The following SNAP91 variants were observed in gnomAD, a reference collection of about 807,000 sequenced individuals.
SNAP91 encodes the protein synaptosome associated protein 91.
A neutral mutation model predicts 100.3 loss-of-function variants in SNAP91; 27 were observed. The observed-to-expected ratio is 0.27, with a 90% CI of 0.20 to 0.37. The LOEUF is 0.37. SNAP91 is among the 10% of genes least tolerant of loss of function. The pLI, the probability that SNAP91 is intolerant of heterozygous loss-of-function variation, is 1.00. For synonymous variants in SNAP91, 404 were observed against 398.6 expected (o/e 1.01, Z -0.16); for missense variants, 986 against 1,123.7 (o/e 0.88, Z 1.75).
intron 7 of SNAP91, among the ~76,000 whole-genome samples, chr6:83,644,805 G>C (rs1188035927): frequency 4.6e-5 from 7 of 152,188 alleles, no homozygotes; most frequent in African/African-American, 1.7e-4. Flanking sequence ...TAGGTGTAAA[G>C]TATTGGTCAC....
intron 2 of SNAP91, among the ~76,000 whole-genome samples, chr6:83,696,075 T>C (rs886372250): frequency 5.7e-4 from 87 of 151,830 alleles, no homozygotes; most frequent in African/African-American, 2.0e-3. Context: ...CACTCAAGGG[T>C]AGCCAAAACC....
chr6:83,572,931 C>G (rs1810969022), intron 26 of SNAP91, among the ~76,000 whole-genome samples: 2 of 152,198 alleles, frequency 1.3e-5, no homozygotes, highest in Non-Finnish European at 2.9e-5. Flanking sequence ...TTTATTTACT[C>G]TCTCTCCTCC....
intron 17 of SNAP91, 30 bp from the exon 18 acceptor site, chr6:83,593,771 A>C: frequency 6.5e-7 from 1 of 1,532,354 alleles, no homozygotes; most frequent in Non-Finnish European, 8.8e-7. Flanking sequence ...AGACACACAC[A>C]GCATCAGTAA....
At chr6:83,682,887 T>C (rs2099011057) in intron 2 of SNAP91, among the ~76,000 whole-genome samples, 1 of 151,958 alleles carries the variant, frequency 6.6e-6, no homozygotes, top group Admixed American at 6.6e-5. Flanking sequence ...CTAGATTCCC[T>C]AATCTCACAC....
At chr6:83,601,238 G>GA (rs2095177299) in intron 16 of SNAP91, 33 bp downstream of exon 16, 1 of 1,608,270 alleles carries the variant, frequency 6.2e-7, no homozygotes, top group African/African-American at 1.3e-5. Flanking sequence ...TAGCAATCCT[G>GA]AAAAAATGAA....
chr6:83,635,834 T>C (rs886078096), intron 8 of SNAP91, among the ~76,000 whole-genome samples: 3 of 152,222 alleles, frequency 2.0e-5, no homozygotes, highest in Admixed American at 6.5e-5. Context: ...AGTTTAGAAC[T>C]CCCTTAAGCA....
intron 2 of SNAP91, among the ~76,000 whole-genome samples, chr6:83,682,615 G>A (rs1449864543): frequency 6.6e-6 from 1 of 150,888 alleles, no homozygotes; most frequent in African/African-American, 2.4e-5. Flanking sequence ...TAAGTTTTAG[G>A]GTACATGTGC....
intron 6 of SNAP91, 39 bp from the exon 7 acceptor site, chr6:83,656,904 T>C: frequency 1.1e-6 from 1 of 926,270 alleles, no homozygotes; most frequent in Non-Finnish European, 1.6e-6. Flanking sequence ...CGGCATATCA[T>C]TAAGTCTTAA....
intron 5 of SNAP91, among the ~76,000 whole-genome samples, chr6:83,660,609 GT>G (rs2098522038): frequency 6.6e-6 from 1 of 151,974 alleles, no homozygotes; most frequent in Non-Finnish European, 1.5e-5. Context: ...AAATTCAAGT[GT>G]TTCTGTTTCA....
chr6:83,684,622 T>C (rs1451290784), intron 2 of SNAP91, among the ~76,000 whole-genome samples: 1 of 152,180 alleles, frequency 6.6e-6, no homozygotes, highest in Non-Finnish European at 1.5e-5. Flanking sequence ...TCTGTGCACT[T>C]TACTAGAATG....
At position 83,592,437 on chromosome 6, in the gene SNAP91, T is replaced by C; in HGVS notation, c.1930+18A>G. 1.9e-6 allele frequency: 3 copies of C among 1,568,414 alleles called. No homozygotes were observed. Among genetic ancestry groups the C allele is most frequent in the Non-Finnish European group, 1.7e-6 (2 of 1,146,514 alleles). ...GAAAAAAAGATTCCTTAAGTGTTGA[T>C]GGAGGAGAAATACGCACCCCCAAAA... On this transcript the variant is annotated intron_variant, in intron 21 of 29. Transcript: ENST00000369694.
In SNAP91 at chr6:83,556,133, T is replaced by C. The variant is rs755751461; in HGVS notation, c.*10+10A>G. Reference sequence around the variant, plus strand: ...TTACAAGCCTACAGGAAAAGCTCAATATTAGATACCTTAAATTGTTTACAA... The same window carrying C: ...TTACAAGCCTACAGGAAAAGCTCAACATTAGATACCTTAAATTGTTTACAA... On this transcript the variant is annotated intron_variant, in intron 29 of 29. Transcript: ENST00000369694. The C allele has an allele frequency of 4.1e-6, 6 of 1,452,854 alleles. No individual in the cohort carries two copies. In the East Asian group the frequency reaches 1.5e-4, roughly 36 times the overall value. 90.0% of individuals were successfully genotyped at this position (1,452,854 alleles called of 1,614,324 possible).
intron 10 of SNAP91, among the ~76,000 whole-genome samples, chr6:83,615,539 CTAA>C (rs2096433012): frequency 6.6e-6 from 1 of 152,116 alleles, no homozygotes. Context: ...TTATTGTGAT[CTAA>C]TGTACTCTCA....
At chr6:83,641,941 T>G (rs1427788367) in intron 7 of SNAP91, among the ~76,000 whole-genome samples, 2 of 152,092 alleles carry the variant, frequency 1.3e-5, no homozygotes, top group Non-Finnish European at 2.9e-5. Context: ...AATATGAGAG[T>G]ATAATTTTTC....
chr6:83,582,074 T>C, intron 23 of SNAP91, 148 bp downstream of exon 23: 1 of 782,278 alleles, frequency 1.3e-6, no homozygotes, highest in South Asian at 2.4e-5. Flanking sequence ...TTTAAGTTAC[T>C]AAATGAGAGA....
chr6:83,623,369 G>T, intron 8 of SNAP91, 27 bp from the exon 9 acceptor site: 1 of 1,547,102 alleles, frequency 6.5e-7, no homozygotes, highest in South Asian at 1.2e-5. Flanking sequence ...TTAGAAATTA[G>T]TAGAACTTTT....
intron 8 of SNAP91, among the ~76,000 whole-genome samples, chr6:83,627,273 G>A (rs1562406999): frequency 6.6e-6 from 1 of 152,018 alleles, no homozygotes; most frequent in Non-Finnish European, 1.5e-5. Context: ...GAGGATTTCT[G>A]CATCTATGTT....
At chr6:83,593,154 T>G in intron 19 of SNAP91, 28 bp downstream of exon 19, 1 of 1,554,718 alleles carries the variant, frequency 6.4e-7, no homozygotes, top group Non-Finnish European at 8.7e-7. Context: ...GAAACTAAAG[T>G]GAAAAAAAAG....
At chr6:83,590,370 G>A (rs1013420260) in intron 22 of SNAP91, among the ~76,000 whole-genome samples, 8 of 152,098 alleles carry the variant, frequency 5.3e-5, no homozygotes, top group African/African-American at 1.7e-4. Flanking sequence ...TGCTCCCAAG[G>A]AAGACCAATA....
Sources: allele counts gnomAD v4.1 joint callset (sites outside exome capture counted in the v4.1 genomes callset), GRCh38; gene constraint gnomAD v4.1.1; transcripts MANE v1.5; gene names NCBI Gene and HGNC (gene_info 2026-07-23, HGNC 2026-07-21).